Variants in HORMAD2 observed in about 807,000 individuals in gnomAD.
HORMAD2 encodes HORMA domain-containing protein 2.
In HORMAD2, 45 loss-of-function variants were observed where a neutral mutation model predicts 38.8. The observed-to-expected ratio is 1.16, with a 90% CI of 0.91 to 1.49. The LOEUF is 1.49. HORMAD2 is among the 40% of genes most tolerant of loss of function. HORMAD2 has a pLI of 0.00. For synonymous variants in HORMAD2, 126 were observed against 122.8 expected, an observed-to-expected ratio of 1.03 and a Z score of -0.17; for missense variants, 338 against 367.0, an observed-to-expected ratio of 0.92 and a Z score of 0.65.
At chr22:30,180,868 CTTCCCTTCCCTTT>C (rs1232846044), downstream of HORMAD2, among the ~76,000 whole-genome samples, 2 of 117,744 alleles carry the variant, frequency 1.7e-5, no homozygotes. Flanking sequence ...CCCTTCCCTT[CTTCCCTTCCCTTT>C]CCCTTTCCCT....
chr22:30,079,971 G>A (rs2068438297), upstream of HORMAD2, among the ~76,000 whole-genome samples: 1 of 151,526 alleles, frequency 6.6e-6, no homozygotes, highest in Non-Finnish European at 1.5e-5. Flanking sequence ...GAGCCACCGC[G>A]CCGCACTTCT....
At chr22:30,103,160 A>G (rs1920967628) in intron 3 of HORMAD2, among the ~76,000 whole-genome samples, 1 of 152,274 alleles carries the variant, frequency 6.6e-6, no homozygotes, top group South Asian at 2.1e-4. Context: ...TACAGCGGCA[A>G]AGAAAGGACA....
intron 10 of HORMAD2, among the ~76,000 whole-genome samples, chr22:30,153,210 A>AAG (rs1458311408): frequency 6.6e-6 from 1 of 152,116 alleles, no homozygotes; most frequent in African/African-American, 2.4e-5. Context: ...CTTACTGCCA[A>AAG]AACTCAAGTC....
intron 10 of HORMAD2, among the ~76,000 whole-genome samples, chr22:30,128,585 A>T (rs1923041958): frequency 6.6e-6 from 1 of 152,230 alleles, no homozygotes; most frequent in Non-Finnish European, 1.5e-5. Context: ...CTACGAATAT[A>T]GTATCAGGAG....
intron 5 of HORMAD2, among the ~76,000 whole-genome samples, chr22:30,107,900 G>A (rs1313795378): frequency 4.8e-5 from 7 of 146,848 alleles, no homozygotes; most frequent in African/African-American, 1.8e-4. Flanking sequence ...ACGGAGTCTC[G>A]CTCTATTGCC....
intron 1 of HORMAD2, among the ~76,000 whole-genome samples, chr22:30,086,249 C>T (rs757614957): frequency 6.6e-6 from 1 of 152,176 alleles, no homozygotes; most frequent in African/African-American, 2.4e-5. Flanking sequence ...AGCTATGCTT[C>T]CTGTGTAGCC....
intron 10 of HORMAD2, among the ~76,000 whole-genome samples, chr22:30,166,755 C>T (rs1466658726): frequency 6.6e-6 from 1 of 152,144 alleles, no homozygotes. Flanking sequence ...TGTGGATATT[C>T]ATTAGAAAGA....
chr22:30,196,343 A>G, the HORMAD2 span, among the ~76,000 whole-genome samples: 1 of 151,932 alleles, frequency 6.6e-6, no homozygotes, highest in Non-Finnish European at 1.5e-5. Flanking sequence ...CATTCCTCCA[A>G]CCCACTGGCT....
chr22:30,129,730 G>C (rs544267334), intron 10 of HORMAD2, among the ~76,000 whole-genome samples: 1 of 151,606 alleles, frequency 6.6e-6, no homozygotes, highest in Admixed American at 6.6e-5. Flanking sequence ...GGCTGGTCTT[G>C]AACTCCTGGG....
rs878973587 is a variant in HORMAD2 at position 30,137,271 on chromosome 22, AC to A, written c.819+15060del. 225 of 540,658 alleles carry A rather than the reference AC, an allele frequency of 4.2e-4. 1 individual carries two copies. Among genetic ancestry groups the A allele is most frequent in the South Asian group, 3.6e-3 (218 of 60,490 alleles). The allele number at this position is 540,658 out of a possible 1,614,324, so 33.5% of individuals were successfully genotyped here. A position where few individuals can be genotyped will look rare whatever the true frequency, so the allele number is the denominator to read the frequency against. The stretch of plus-strand genomic sequence containing the variant: ...CAGACAAACTCACTTCAAACACATG[AC>A]CCTTGAGGCCATCAGATGCAATTTT... On this transcript the variant is annotated intron_variant, in intron 10 of 10. Transcript: ENST00000336726.
intron 10 of HORMAD2, among the ~76,000 whole-genome samples, chr22:30,168,428 C>T (rs1925914723): frequency 6.6e-6 from 1 of 152,116 alleles, no homozygotes; most frequent in Non-Finnish European, 1.5e-5. Flanking sequence ...TTCCTTCATC[C>T]TTAGCTCCAG....
At chr22:30,151,789 T>C (rs547513059) in intron 10 of HORMAD2, among the ~76,000 whole-genome samples, 1 of 152,360 alleles carries the variant, frequency 6.6e-6, no homozygotes, top group African/African-American at 2.4e-5. Flanking sequence ...AAAGATGACA[T>C]AGATACTTTC....
Position 30,124,602 on chromosome 22 carries a change from A to G in HORMAD2, c.819+2388A>G, listed in dbSNP as rs909039338. Among the ~76,000 whole-genome samples the G allele has an allele frequency of 4.6e-5, 7 of 152,274 alleles. No homozygotes were observed. The East Asian group carries it at 1.4e-3, about 29-fold the overall frequency. On this transcript the variant is annotated intron_variant, in intron 10 of 10. Transcript: ENST00000336726. ...CGTTTTAAATTTGTATATCAAAGTA[A>G]TCATACTCTGAGTATTCTCCTTTAA...
the HORMAD2 span, among the ~76,000 whole-genome samples, chr22:30,198,591 T>C: frequency 2.6e-5 from 4 of 152,052 alleles, no homozygotes; most frequent in Non-Finnish European, 5.9e-5. Flanking sequence ...CCTAATGCAG[T>C]CTTCTCCCTC....
At chr22:30,196,474 C>T in the HORMAD2 span, among the ~76,000 whole-genome samples, 4 of 152,314 alleles carry the variant, frequency 2.6e-5, no homozygotes, top group East Asian at 3.9e-4. Context: ...CCATGGCCAG[C>T]GTCATCACCA....
At chr22:30,181,518 C>T (rs1926716889), downstream of HORMAD2, among the ~76,000 whole-genome samples, 1 of 152,178 alleles carries the variant, frequency 6.6e-6, no homozygotes, top group African/African-American at 2.4e-5. Flanking sequence ...TGCCCTCCCA[C>T]ATTTGCATTT....
chr22:30,201,501 C>T, the HORMAD2 span, among the ~76,000 whole-genome samples: 1 of 150,858 alleles, frequency 6.6e-6, no homozygotes, highest in African/African-American at 2.4e-5. Flanking sequence ...ACTGCAGGCT[C>T]CGCCCCGCGG....
At chr22:30,166,622 C>T (rs1372779894) in intron 10 of HORMAD2, among the ~76,000 whole-genome samples, 1 of 152,064 alleles carries the variant, frequency 6.6e-6, no homozygotes, top group Admixed American at 6.6e-5. Flanking sequence ...TAAAGCATTG[C>T]AGAGAGGCAA....
intron 10 of HORMAD2, among the ~76,000 whole-genome samples, chr22:30,166,068 A>G (rs1349191160): frequency 1.3e-5 from 2 of 149,180 alleles, no homozygotes; most frequent in African/African-American, 2.5e-5. Flanking sequence ...AGGTTTTCCC[A>G]TATATTTTCT....
Sources: gnomAD v4.1 joint callset for allele counts (sites outside exome capture counted in the v4.1 genomes callset) on GRCh38, gnomAD v4.1.1 for gene constraint, MANE v1.5 for transcripts, NCBI Gene and HGNC (gene_info 2026-07-23, HGNC 2026-07-21) for gene names.